UGGT2: variants seen among roughly 807,000 people sequenced by gnomAD.
UGGT2 encodes UDP-glucose glycoprotein glucosyltransferase 2.
A neutral mutation model predicts 192.1 loss-of-function variants in UGGT2; 180 were observed. The ratio of observed to expected loss-of-function variants is 0.94; its 90% CI spans 0.83 to 1.06. The LOEUF is 1.06. UGGT2 is among the 50% of genes least tolerant of loss of function. UGGT2 has a pLI of 0.00. For synonymous variants in UGGT2, 580 were observed against 591.0 expected (o/e 0.98, Z 0.27); for missense variants, 1,849 against 1,795.7 (o/e 1.03, Z -0.54).
chr13:95,920,796 A>G (rs943596714), intron 20 of UGGT2, among the ~76,000 whole-genome samples: 1 of 152,234 alleles, frequency 6.6e-6, no homozygotes, highest in Non-Finnish European at 1.5e-5. Flanking sequence ...CAAAGAACTG[A>G]AAACAAAATT....
chr13:95,937,225 C>T, intron 16 of UGGT2, 137 bp from the exon 17 acceptor site: 1 of 1,004,758 alleles, frequency 1.0e-6, no homozygotes, highest in Non-Finnish European at 1.4e-6. Context: ...CTGTCCTTTC[C>T]AAACATTGCC....
At chr13:95,931,350 T>C (rs1471057607) in intron 17 of UGGT2, among the ~76,000 whole-genome samples, 2 of 152,148 alleles carry the variant, frequency 1.3e-5, no homozygotes, top group Non-Finnish European at 2.9e-5. Flanking sequence ...AAGTCCCCAC[T>C]AGACTCTGGA....
chr13:95,995,409 A>T (rs1458961430), intron 7 of UGGT2: 4 of 152,166 alleles, frequency 2.6e-5, no homozygotes, highest in African/African-American at 9.6e-5. Context: ...AAAAGATTTT[A>T]AAAATAGTAT....
intron 10 of UGGT2, among the ~76,000 whole-genome samples, chr13:95,977,130 A>G (rs774521594): frequency 1.3e-5 from 2 of 152,232 alleles, no homozygotes; most frequent in Non-Finnish European, 2.9e-5. Flanking sequence ...CATTCAGGAC[A>G]CAGGCATGGG....
At chr13:96,003,168 T>C (rs1006264401) in intron 5 of UGGT2, among the ~76,000 whole-genome samples, 1 of 152,188 alleles carries the variant, frequency 6.6e-6, no homozygotes, top group Admixed American at 6.5e-5. Context: ...CCTAAACTTA[T>C]TGTGTGTTCT....
chr13:95,900,995 C>A lies in UGGT2; in HGVS notation c.2503-57G>T, dbSNP rs886137654. On this transcript the variant is annotated intron_variant, in intron 21 of 38. Transcript: ENST00000376747. ...TATGAGAACAGTAAATATATTAAATCATTTTGTTTAAAAAACTAATATTAG... is the reference window on the plus strand; with the variant it reads ...TATGAGAACAGTAAATATATTAAATAATTTTGTTTAAAAAACTAATATTAG... 11 of 1,234,284 alleles carry A rather than the reference C, an allele frequency of 8.9e-6. No individual in the cohort carries two copies. The African/African-American group carries it at 1.6e-4, about 18-fold the overall frequency. The allele number at this position is 1,234,284 out of a possible 1,614,324, so 76.5% of individuals were successfully genotyped here.
At chr13:95,988,812 T>C (rs556331923) in intron 8 of UGGT2, among the ~76,000 whole-genome samples, 1 of 152,270 alleles carries the variant, frequency 6.6e-6, no homozygotes, top group South Asian at 2.1e-4. Flanking sequence ...TACCATATGG[T>C]ACAGTATAAA....
chr13:95,833,623 AAGTTAAAAGCAAAAATTAT>A (rs1220171603), intron 37 of UGGT2, among the ~76,000 whole-genome samples: 1 of 152,170 alleles, frequency 6.6e-6, no homozygotes, highest in Non-Finnish European at 1.5e-5. Context: ...TGGGAAATTA[AAGTTAAAAGCAAAAATTAT>A]AGAAGGTTGA....
rs886496927 is a variant in UGGT2, at chr13:96,028,180, C to T, written c.241+3709G>A. ...CCTATAATTTATTTTATCTAGATCT[C>T]TCACTCATATATCAGCTTACCGATA... On this transcript the variant is annotated intron_variant, in intron 2 of 38. Transcript: ENST00000376747. Among the ~76,000 whole-genome samples the T allele has an allele frequency of 9.2e-5, 14 of 152,184 alleles. No individual in the cohort carries two copies. In the East Asian group the frequency reaches 2.7e-3, roughly 29 times the overall value.
intron 15 of UGGT2, among the ~76,000 whole-genome samples, chr13:95,943,787 C>T (rs2049771700): frequency 6.6e-6 from 1 of 151,804 alleles, no homozygotes; most frequent in African/African-American, 2.4e-5. Context: ...CTTTACTTAT[C>T]TTATTGCATT....
At chr13:95,846,434 G>C (rs548922043) in intron 36 of UGGT2, among the ~76,000 whole-genome samples, 25 of 152,012 alleles carry the variant, frequency 1.6e-4, no homozygotes, top group African/African-American at 5.3e-4. Context: ...GGAGGGGAGG[G>C]GGGGAGGAGG....
intron 9 of UGGT2, chr13:95,985,132 T>G: frequency 2.1e-6 from 1 of 466,866 alleles, no homozygotes; most frequent in Non-Finnish European, 3.4e-6. Flanking sequence ...ATCAACTGTC[T>G]GATCAAGACT....
intron 1 of UGGT2, 70 bp from the exon 2 acceptor site, chr13:96,032,041 T>A: frequency 9.1e-7 from 1 of 1,093,910 alleles, no homozygotes; most frequent in Non-Finnish European, 1.3e-6. Context: ...TAAACTGTAC[T>A]CAAGAACCAA....
intron 20 of UGGT2, among the ~76,000 whole-genome samples, chr13:95,904,294 TC>T (rs1269584581): frequency 1.3e-5 from 2 of 152,070 alleles, no homozygotes; most frequent in African/African-American, 2.4e-5. Flanking sequence ...ATCTATATTA[TC>T]TTTTTTTTAT....
intron 4 of UGGT2, among the ~76,000 whole-genome samples, chr13:96,015,310 G>A (rs1178197086): frequency 2.0e-5 from 3 of 151,442 alleles, no homozygotes; most frequent in Admixed American, 6.6e-5. Flanking sequence ...AACTAGAAAG[G>A]CTGCCAATAA....
At position 95,927,339 on chromosome 13, in the gene UGGT2, AAAAAAAC is replaced by A; in HGVS notation, c.1978-10_1978-4del. ...TTCGTGCGATCATTTAATGTGCCCT[AAAAAAAC>A]AAAAATGTTATTTAGATAATACAGG... On this transcript the variant is annotated splice_polypyrimidine_tract_variant and splice_region_variant and intron_variant, in intron 17 of 38. Transcript: ENST00000376747. The A allele has an allele frequency of 1.3e-6, 2 of 1,592,810 alleles. No homozygotes were observed. The highest frequency in any genetic ancestry group is 1.7e-6 in the Non-Finnish European group (2 of 1,173,184).
intron 20 of UGGT2, among the ~76,000 whole-genome samples, chr13:95,918,698 CCAA>C (rs1385860570): frequency 3.7e-4 from 56 of 152,212 alleles, no homozygotes; most frequent in African/African-American, 1.3e-3. Flanking sequence ...GGCATCAGAA[CCAA>C]CAACAAGTTC....
At chr13:95,939,172 C>A (rs1412333664) in intron 16 of UGGT2, among the ~76,000 whole-genome samples, 4 of 152,208 alleles carry the variant, frequency 2.6e-5, no homozygotes, top group Non-Finnish European at 4.4e-5. Flanking sequence ...TCAATCTACA[C>A]AGTAGCAACA....
At chr13:95,808,407 T>C (rs1233488299) in intron 38 of UGGT2, among the ~76,000 whole-genome samples, 1 of 152,158 alleles carries the variant, frequency 6.6e-6, no homozygotes, top group African/African-American at 2.4e-5. Flanking sequence ...ATGTCCTTTG[T>C]GGCATTTTTT....
Sources: allele counts gnomAD v4.1 joint callset (sites outside exome capture counted in the v4.1 genomes callset), GRCh38; gene constraint gnomAD v4.1.1; transcripts MANE v1.5; gene names NCBI Gene and HGNC (gene_info 2026-07-23, HGNC 2026-07-21).